Variants in HLCS observed in about 807,000 individuals in gnomAD.
The protein encoded by HLCS is biotin--protein ligase.
A neutral mutation model predicts 75.0 loss-of-function variants in HLCS; 53 were observed. The ratio of observed to expected loss-of-function variants is 0.71; its 90% CI spans 0.57 to 0.89. The LOEUF (loss-of-function observed/expected upper bound fraction) is 0.89, where lower values mean the gene tolerates loss of function less well. Ranked by LOEUF, HLCS falls within the 40% of genes least tolerant of loss-of-function variation. HLCS has a pLI of 0.00. For missense variants in HLCS, 966 were observed against 1,074.0 expected, an observed-to-expected ratio of 0.90 and a Z score of 1.41; for synonymous variants, 431 against 428.6, an observed-to-expected ratio of 1.01 and a Z score of -0.07.
chr21:36,898,930 G>A (rs1294758239), intron 5 of HLCS, among the ~76,000 whole-genome samples: 10 of 151,704 alleles, frequency 6.6e-5, no homozygotes, highest in Admixed American at 2.0e-4. Flanking sequence ...GCATGGTGGC[G>A]TGCAACTGTA....
intron 6 of HLCS, among the ~76,000 whole-genome samples, chr21:36,786,754 T>C (rs2060698266): frequency 6.6e-6 from 1 of 152,212 alleles, no homozygotes; most frequent in African/African-American, 2.4e-5. Flanking sequence ...TTTATTGGAT[T>C]CCTATGAATT....
At chr21:36,883,590 T>A (rs1451023507) in intron 6 of HLCS, among the ~76,000 whole-genome samples, 1 of 152,236 alleles carries the variant, frequency 6.6e-6, no homozygotes, top group Non-Finnish European at 1.5e-5. Context: ...TATCATAGAT[T>A]TCTTACTGCA....
At chr21:36,808,862 T>C (rs1026102979) in intron 6 of HLCS, among the ~76,000 whole-genome samples, 1 of 152,184 alleles carries the variant, frequency 6.6e-6, no homozygotes, top group Non-Finnish European at 1.5e-5. Context: ...TTTTTTCTTT[T>C]ATCGAAAAAT....
At chr21:36,954,134 C>A (rs1014743076) in intron 2 of HLCS, among the ~76,000 whole-genome samples, 1 of 150,916 alleles carries the variant, frequency 6.6e-6, no homozygotes, top group Non-Finnish European at 1.5e-5. Context: ...GGTGAAACCC[C>A]GCCTCTACTA....
At chr21:36,892,597 A>C (rs2064838769) in intron 6 of HLCS, among the ~76,000 whole-genome samples, 1 of 152,212 alleles carries the variant, frequency 6.6e-6, no homozygotes, top group Non-Finnish European at 1.5e-5. Flanking sequence ...ATCTTCCTTG[A>C]GGAAGAGGTG....
intron 6 of HLCS, among the ~76,000 whole-genome samples, chr21:36,782,801 TCTACTAAAAATACTACTAAAATA>T (rs1410073379): frequency 6.6e-6 from 1 of 151,884 alleles, no homozygotes; most frequent in Non-Finnish European, 1.5e-5. Context: ...AAACCCCATC[TCTACTAAAAATACTACTAAAATA>T]CTACTAAAAA....
At chr21:36,917,950 TA>T (rs71311088) in intron 5 of HLCS, among the ~76,000 whole-genome samples, 1,691 of 140,842 alleles carry the variant, frequency 0.012, 6 homozygotes, top group East Asian at 0.025. Flanking sequence ...TCTCTTGCAT[TA>T]AAAAAAAAAA....
chr21:36,893,081 T>C (rs1383265854), intron 6 of HLCS, among the ~76,000 whole-genome samples: 1 of 152,040 alleles, frequency 6.6e-6, no homozygotes, highest in East Asian at 1.9e-4. Flanking sequence ...GTATCCCACT[T>C]TTTTTTGAGA....
intron 5 of HLCS, among the ~76,000 whole-genome samples, chr21:36,924,867 G>C (rs1341630743): frequency 6.6e-6 from 1 of 152,154 alleles, no homozygotes; most frequent in African/African-American, 2.4e-5. Flanking sequence ...TGGTATGTAT[G>C]ACTGAGTCTA....
chr21:36,922,499 C>T lies in HLCS; in HGVS notation c.1620+7752G>A, dbSNP rs77653808. On this transcript the variant is annotated intron_variant, in intron 5 of 10. Coordinates refer to ENST00000674895, the MANE Select transcript of HLCS (RefSeq NM_001352514.2). Reference sequence around the variant, plus strand: ...TCGGCATGCTGTACCTGGGGAGACGCAGCCATACACAGGCAGCTACAACAA... The same window carrying T: ...TCGGCATGCTGTACCTGGGGAGACGTAGCCATACACAGGCAGCTACAACAA... 4.8e-3 allele frequency among the ~76,000 whole-genome samples: 735 copies of T among 152,342 alleles called. 3 individuals carry two copies. The highest frequency in any genetic ancestry group is 8.1e-3 in the Non-Finnish European group (550 of 68,038).
intron 6 of HLCS, among the ~76,000 whole-genome samples, chr21:36,868,274 G>GAAAGAAAGAAAGAAAGAAAGAAA (rs2063636299): frequency 3.9e-4 from 53 of 135,460 alleles, no homozygotes; most frequent in African/African-American, 1.6e-3. Flanking sequence ...AAGGAAGGAA[G>GAAAGAAAGAAAGAAAGAAAGAAA]GAAAGAAAGA....
chr21:36,855,974 G>T (rs1376641052), intron 6 of HLCS, among the ~76,000 whole-genome samples: 4 of 152,066 alleles, frequency 2.6e-5, no homozygotes, highest in East Asian at 1.9e-4. Context: ...GTGAAAGGCC[G>T]CATGTTATAT....
At chr21:36,827,432 G>A (rs934294239) in intron 6 of HLCS, among the ~76,000 whole-genome samples, 14 of 151,794 alleles carry the variant, frequency 9.2e-5, no homozygotes. Flanking sequence ...AAATTAGCCA[G>A]GCATGGTGGC....
At chr21:36,764,595 C>T (rs1028415542) in intron 8 of HLCS, among the ~76,000 whole-genome samples, 1 of 151,856 alleles carries the variant, frequency 6.6e-6, no homozygotes, top group Admixed American at 6.6e-5. Flanking sequence ...GTCCCAGCTA[C>T]TCGGGAGGCT....
Position 36,753,605 on chromosome 21 carries a change from G to A in HLCS, c.*641C>T, listed in dbSNP as rs1432952865. ...GGAGAGCTCACTGAATGATGTCAAAGTAATGAACTGATTTCCTCTACAAGG... is the reference window on the plus strand; with the variant it reads ...GGAGAGCTCACTGAATGATGTCAAAATAATGAACTGATTTCCTCTACAAGG... On this transcript the variant is annotated 3_prime_UTR_variant, in exon 11 of 11. Coordinates refer to ENST00000674895, the MANE Select transcript of HLCS (RefSeq NM_001352514.2). The surrounding 1 kb of genome is among the most constrained non-coding windows in gnomAD (Gnocchi z 4.3). The A allele has an allele frequency of 6.5e-6, 1 of 153,524 alleles. No homozygotes were observed. Among genetic ancestry groups the A allele is most frequent in the African/African-American group, 2.4e-5 (1 of 41,454 alleles). 9.5% of individuals were successfully genotyped at this position (153,524 alleles called of 1,614,324 possible). A position where few individuals can be genotyped will look rare whatever the true frequency, so the allele number is the denominator to read the frequency against.
chr21:36,786,794 C>G (rs2060699520), intron 6 of HLCS, among the ~76,000 whole-genome samples: 1 of 152,050 alleles, frequency 6.6e-6, no homozygotes, highest in Admixed American at 6.6e-5. Flanking sequence ...TGGGAGGATC[C>G]AAGGAAATCG....
chr21:36,984,892 A>C (rs1555980686), intron 1 of HLCS, among the ~76,000 whole-genome samples: 2 of 151,440 alleles, frequency 1.3e-5, no homozygotes, highest in African/African-American at 2.4e-5. Flanking sequence ...TTTTCATTTA[A>C]TATTTTCAAA....
chr21:36,956,713 G>A (rs149725317), intron 2 of HLCS, among the ~76,000 whole-genome samples: 3 of 152,064 alleles, frequency 2.0e-5, no homozygotes, highest in African/African-American at 7.3e-5. Context: ...CTAGGCAACA[G>A]AGCGAGACTC....
At chr21:36,941,261 C>T (rs929076944) in intron 2 of HLCS, among the ~76,000 whole-genome samples, 2 of 152,218 alleles carry the variant, frequency 1.3e-5, no homozygotes, top group Non-Finnish European at 1.5e-5. Flanking sequence ...GTCTCTGTCT[C>T]TCACCTGCCA....
Sources: gnomAD v4.1 joint callset for allele counts (sites outside exome capture counted in the v4.1 genomes callset) on GRCh38, gnomAD v4.1.1 for gene constraint, Gnocchi (gnomAD v3.1) non-coding constraint, MANE v1.5 for transcripts, NCBI Gene and HGNC (gene_info 2026-07-23, HGNC 2026-07-21) for gene names.